Variants in STK33 observed in about 807,000 individuals in gnomAD.
STK33 encodes serine/threonine kinase 33.
Under a neutral mutation model 58.0 loss-of-function variants are expected in STK33, and 52 were observed. The ratio of observed to expected loss-of-function variants is 0.90; its 90% confidence interval spans 0.72 to 1.13. The LOEUF (loss-of-function observed/expected upper bound fraction) is 1.13. Among genes scored for constraint, STK33 ranks in the 50% most tolerant of loss-of-function variants. The pLI is 0.00. For missense variants in STK33, 630 were observed against 604.2 expected, an observed-to-expected ratio of 1.04 and a Z score of -0.45; for synonymous variants, 215 against 200.1, an observed-to-expected ratio of 1.07 and a Z score of -0.63.
At chr11:8,534,299 C>T (rs1341036974) in intron 1 of STK33, among the ~76,000 whole-genome samples, 2 of 151,678 alleles carry the variant, frequency 1.3e-5, no homozygotes, top group Non-Finnish European at 2.9e-5. Context: ...ATTGTTTATA[C>T]GTGCATTTTT....
Position 8,454,660 on chromosome 11 carries a change from CAT to C in STK33, c.786+82_786+83del, listed in dbSNP as rs1460335079. 7 of 1,426,192 alleles carry C rather than the reference CAT, an allele frequency of 4.9e-6. No homozygotes were observed. In the African/African-American group the frequency reaches 5.9e-5, roughly 12 times the overall value. 88.3% of individuals were successfully genotyped at this position (1,426,192 alleles called of 1,614,324 possible). On this transcript the variant is annotated intron_variant, in intron 10 of 15. Transcript: ENST00000687296. ...TTTCTGGCTGCTCAAAAGCTAGCAA[CAT>C]GTGTCTAAAAAGAGGATGTACTTTG...
the STK33 span, among the ~76,000 whole-genome samples, chr11:8,367,454 A>G: frequency 2.0e-5 from 3 of 152,160 alleles, no homozygotes; most frequent in African/African-American, 7.2e-5. Flanking sequence ...TTCTTTAGGT[A>G]CTGAGGTTCT....
intron 14 of STK33, among the ~76,000 whole-genome samples, chr11:8,421,914 T>C (rs1941980540): frequency 6.6e-6 from 1 of 152,146 alleles, no homozygotes; most frequent in Non-Finnish European, 1.5e-5. Context: ...TGTATATTAA[T>C]CTTAAATCCA....
chr11:8,584,188 G>C (rs920512292), intron 1 of STK33, among the ~76,000 whole-genome samples: 5 of 151,526 alleles, frequency 3.3e-5, no homozygotes, highest in Admixed American at 2.0e-4. Flanking sequence ...CTGGGACTTT[G>C]CTATACTTGG....
intron 1 of STK33, among the ~76,000 whole-genome samples, chr11:8,573,093 T>C (rs1239753435): frequency 6.6e-6 from 1 of 151,766 alleles, no homozygotes; most frequent in East Asian, 1.9e-4. Context: ...GAAAAATTGT[T>C]AAGCTGGACT....
At chr11:8,565,611 G>A (rs1349744643) in intron 1 of STK33, 1 of 152,288 alleles carries the variant, frequency 6.6e-6, no homozygotes, top group South Asian at 2.1e-4. Context: ...ATGATAAGGA[G>A]AAAAAGAGAT....
At chr11:8,453,347 TA>T (rs1297773104) in intron 10 of STK33, among the ~76,000 whole-genome samples, 2 of 152,212 alleles carry the variant, frequency 1.3e-5, no homozygotes, top group African/African-American at 4.8e-5. Flanking sequence ...TAAATGCAAA[TA>T]ATTATCCCTG....
intron 1 of STK33, among the ~76,000 whole-genome samples, chr11:8,571,224 G>C (rs1009565286): frequency 3.3e-5 from 5 of 152,200 alleles, no homozygotes; most frequent in East Asian, 3.9e-4. Flanking sequence ...TCTCGGCTAA[G>C]AGCTGATACA....
intron 1 of STK33, among the ~76,000 whole-genome samples, chr11:8,527,673 G>C (rs1002293681): frequency 2.6e-5 from 4 of 152,118 alleles, no homozygotes; most frequent in African/African-American, 9.7e-5. Context: ...TCTTAGACCA[G>C]AGCAAGATAA....
intron 1 of STK33, among the ~76,000 whole-genome samples, chr11:8,491,165 G>A (rs566907362): frequency 6.6e-6 from 1 of 152,282 alleles, no homozygotes; most frequent in African/African-American, 2.4e-5. Flanking sequence ...GAGGATGTTT[G>A]AACCTATCGC....
intron 1 of STK33, among the ~76,000 whole-genome samples, chr11:8,540,994 C>CTCTATA (rs1283245491): frequency 2.3e-5 from 3 of 130,512 alleles, no homozygotes; most frequent in Admixed American, 7.7e-5. Flanking sequence ...CTCTCTCTCT[C>CTCTATA]TATATATATA....
At chr11:8,345,508 G>A in the STK33 span, among the ~76,000 whole-genome samples, 2 of 152,240 alleles carry the variant, frequency 1.3e-5, no homozygotes, top group East Asian at 1.9e-4. Context: ...CGGAGCTAAC[G>A]GTGTAATGAA....
chr11:8,427,520 A>C (rs1590968785), intron 14 of STK33, among the ~76,000 whole-genome samples: 1 of 152,002 alleles, frequency 6.6e-6, no homozygotes, highest in Non-Finnish European at 1.5e-5. Flanking sequence ...ATTTATCCCC[A>C]TTATTTCTTA....
At chr11:8,531,145 G>A (rs1005653409) in intron 1 of STK33, among the ~76,000 whole-genome samples, 1 of 152,014 alleles carries the variant, frequency 6.6e-6, no homozygotes, top group Non-Finnish European at 1.5e-5. Context: ...ATCTCAAATT[G>A]TAAAATGAAG....
intron 12 of STK33, among the ~76,000 whole-genome samples, chr11:8,439,869 T>TTATATATATATATTTATATATA (rs1944513320): frequency 9.3e-6 from 1 of 107,274 alleles, no homozygotes; most frequent in African/African-American, 3.4e-5. Flanking sequence ...TATATTATAA[T>TTATATATATATATTTATATATA]TATATATATA....
At chr11:8,419,250 A>G (rs1941572332) in intron 14 of STK33, among the ~76,000 whole-genome samples, 1 of 152,104 alleles carries the variant, frequency 6.6e-6, no homozygotes, top group African/African-American at 2.4e-5. Context: ...TCTTGACCTC[A>G]TTTTTGTATA....
intron 1 of STK33, among the ~76,000 whole-genome samples, chr11:8,539,306 A>C (rs1422503697): frequency 1.3e-5 from 2 of 152,234 alleles, no homozygotes; most frequent in Non-Finnish European, 2.9e-5. Flanking sequence ...AGGGGCTTAA[A>C]GGCAATCTCT....
At chr11:8,344,369 G>A in the STK33 span, among the ~76,000 whole-genome samples, 15 of 152,254 alleles carry the variant, frequency 9.9e-5, no homozygotes, top group Non-Finnish European at 1.6e-4. Flanking sequence ...GTGACAGAGC[G>A]TGAGCCTGTC....
Position 8,507,625 on chromosome 11 carries a change from TG to T in STK33, c.-465-27012del, listed in dbSNP as rs567324692. 4.5e-3 allele frequency among the ~76,000 whole-genome samples: 691 copies of T among 152,064 alleles called. 5 individuals carry two copies. Among genetic ancestry groups the T allele is most frequent in the African/African-American group, 0.016 (652 of 41,476 alleles). ...CTTAAAGAAGACTAAATAAGGGGGA[TG>T]GGGGGGTACACTTAAAGGCACCCCT... is the stretch of plus-strand genomic sequence containing the variant. On this transcript the variant is annotated intron_variant, in intron 1 of 15. Coordinates refer to ENST00000687296, the MANE Select transcript of STK33 (RefSeq NM_001352389.2).
Sources: gnomAD v4.1 joint callset for allele counts (sites outside exome capture counted in the v4.1 genomes callset) on GRCh38, gnomAD v4.1.1 for gene constraint, MANE v1.5 for transcripts, NCBI Gene and HGNC (gene_info 2026-07-23, HGNC 2026-07-21) for gene names.